NCAM2: variants seen among roughly 807,000 people sequenced by gnomAD.
The protein encoded by NCAM2 is neural cell adhesion molecule 2.
In NCAM2, 30 loss-of-function variants were observed where a neutral mutation model predicts 98.1. The observed-to-expected ratio is 0.31, with a 90% CI of 0.23 to 0.41. NCAM2 has a LOEUF of 0.41. Among genes scored for constraint, NCAM2 ranks in the 10% least tolerant of loss-of-function variants. The probability of loss-of-function intolerance (pLI) is 1.00; values close to 1 mark genes in which losing one functional copy is unlikely to be tolerated. For missense variants in NCAM2, 867 were observed against 1,005.8 expected, an observed-to-expected ratio of 0.86 and a Z score of 1.87; for synonymous variants, 368 against 342.4, an observed-to-expected ratio of 1.07 and a Z score of -0.83.
chr21:21,015,841 T>C (rs2064297117), intron 1 of NCAM2, among the ~76,000 whole-genome samples: 1 of 152,084 alleles, frequency 6.6e-6, no homozygotes, highest in Non-Finnish European at 1.5e-5. Flanking sequence ...GTAGCTGGGA[T>C]TACAGGCGCC....
chr21:21,256,002 G>A (rs998971860), intron 1 of NCAM2, among the ~76,000 whole-genome samples: 2 of 152,090 alleles, frequency 1.3e-5, no homozygotes, highest in African/African-American at 4.8e-5. Context: ...CATGTTAAAA[G>A]CCAAATTTCA....
intron 5 of NCAM2, among the ~76,000 whole-genome samples, chr21:21,309,032 A>AAATAAG (rs1285238568): frequency 1.3e-5 from 2 of 152,204 alleles, no homozygotes; most frequent in Non-Finnish European, 2.9e-5. Context: ...ATGAAAATAA[A>AAATAAG]AATAAGTTAA....
intron 1 of NCAM2, among the ~76,000 whole-genome samples, chr21:21,033,507 A>G (rs2064732806): frequency 6.6e-6 from 1 of 152,152 alleles, no homozygotes; most frequent in African/African-American, 2.4e-5. Flanking sequence ...TTCACTGAGG[A>G]GAGTGGAGAT....
intron 15 of NCAM2, among the ~76,000 whole-genome samples, chr21:21,484,215 T>C (rs1260352717): frequency 2.0e-5 from 3 of 152,212 alleles, no homozygotes; most frequent in African/African-American, 7.2e-5. Flanking sequence ...GTTTTTAATA[T>C]GTGACAATAC....
intron 1 of NCAM2, among the ~76,000 whole-genome samples, chr21:21,103,133 T>A (rs1222923657): frequency 6.6e-6 from 1 of 152,026 alleles, no homozygotes; most frequent in South Asian, 2.1e-4. Flanking sequence ...CTGTAGAAAG[T>A]CCAAGTTTTA....
intron 12 of NCAM2, among the ~76,000 whole-genome samples, chr21:21,443,301 A>G (rs185195121): frequency 5.5e-4 from 83 of 152,240 alleles, no homozygotes; most frequent in African/African-American, 1.8e-3. Context: ...GGGAGGGATA[A>G]CATTAGGAGA....
intron 1 of NCAM2, among the ~76,000 whole-genome samples, chr21:21,233,540 A>T (rs2070709474): frequency 6.6e-6 from 1 of 151,736 alleles, no homozygotes. Flanking sequence ...CTAATAAGAT[A>T]CTACAAAATT....
At chr21:21,204,209 G>A (rs2069348125) in intron 1 of NCAM2, among the ~76,000 whole-genome samples, 2 of 152,024 alleles carry the variant, frequency 1.3e-5, no homozygotes, top group Admixed American at 1.3e-4. Context: ...TACAATTTTA[G>A]CATCTTGCTC....
intron 1 of NCAM2, among the ~76,000 whole-genome samples, chr21:21,266,870 TA>T (rs1227095912): frequency 1.3e-5 from 2 of 152,178 alleles, no homozygotes; most frequent in African/African-American, 4.8e-5. Flanking sequence ...TAAAGTATAA[TA>T]AAAAATAATA....
At chr21:21,206,363 C>A (rs1298264046) in intron 1 of NCAM2, among the ~76,000 whole-genome samples, 1 of 152,104 alleles carries the variant, frequency 6.6e-6, no homozygotes. Flanking sequence ...CCTTCAAAAA[C>A]TTATTTAAAT....
chr21:21,197,361 C>G (rs968389716), intron 1 of NCAM2, among the ~76,000 whole-genome samples: 2 of 152,138 alleles, frequency 1.3e-5, no homozygotes, highest in Non-Finnish European at 2.9e-5. Flanking sequence ...AACTCCTGGC[C>G]TCAAGTGATC....
intron 9 of NCAM2, among the ~76,000 whole-genome samples, chr21:21,383,543 C>G (rs1247006923): frequency 6.6e-6 from 1 of 152,146 alleles, no homozygotes; most frequent in Non-Finnish European, 1.5e-5. Flanking sequence ...GTTTTCATTT[C>G]CCATCACAAT....
chr21:21,241,968 A>C (rs1211824742), intron 1 of NCAM2, among the ~76,000 whole-genome samples: 1 of 152,148 alleles, frequency 6.6e-6, no homozygotes, highest in Non-Finnish European at 1.5e-5. Context: ...AATCAAGTAA[A>C]AATTCAGAAA....
intron 16 of NCAM2, among the ~76,000 whole-genome samples, chr21:21,514,434 C>T (rs13048329): frequency 0.36 from 53,176 of 146,354 alleles, 10,373 homozygotes; most frequent in East Asian, 0.62. Flanking sequence ...CATTGTACTC[C>T]TGGCTGGGCA....
At chr21:21,174,112 G>A (rs1251724293) in intron 1 of NCAM2, among the ~76,000 whole-genome samples, 1 of 152,088 alleles carries the variant, frequency 6.6e-6, no homozygotes, top group African/African-American at 2.4e-5. Context: ...TAGATACGAG[G>A]TTTCACCATG....
chr21:21,098,201 T>C (rs1160212934), intron 1 of NCAM2, among the ~76,000 whole-genome samples: 1 of 151,496 alleles, frequency 6.6e-6, no homozygotes, highest in Non-Finnish European at 1.5e-5. Context: ...TATTTCATTT[T>C]GATATTTGGG....
chr21:21,141,702 T>G (rs1239183266), intron 1 of NCAM2, among the ~76,000 whole-genome samples: 1 of 152,200 alleles, frequency 6.6e-6, no homozygotes, highest in Admixed American at 6.5e-5. Context: ...AGCAAAGTTC[T>G]TTTGACACTG....
chr21:21,214,784 CAT>C (rs1261964160), intron 1 of NCAM2, among the ~76,000 whole-genome samples: 4 of 128,758 alleles, frequency 3.1e-5, no homozygotes, highest in African/African-American at 5.7e-5. Context: ...TATATATACA[CAT>C]ATATATACAT....
chr21:21,386,157 A>T (rs80207110), intron 9 of NCAM2, among the ~76,000 whole-genome samples: 2 of 152,128 alleles, frequency 1.3e-5, no homozygotes, highest in African/African-American at 4.8e-5. Flanking sequence ...AATTCTCTGA[A>T]TATAACAGTG....
Sources: gnomAD v4.1 joint callset for allele counts (sites outside exome capture counted in the v4.1 genomes callset) on GRCh38, gnomAD v4.1.1 for gene constraint, MANE v1.5 for transcripts, NCBI Gene and HGNC (gene_info 2026-07-23, HGNC 2026-07-21) for gene names.